The following BSCL2 variants were observed in gnomAD, a reference collection of about 807,000 sequenced individuals.
The protein encoded by BSCL2 is seipin.
BSCL2 carries 41 observed loss-of-function variants against 57.4 expected under a neutral mutation model. The observed-to-expected ratio is 0.71, with a 90% CI of 0.56 to 0.93. The LOEUF (loss-of-function observed/expected upper bound fraction) is 0.93, where lower values mean the gene tolerates loss of function less well. Ranked by LOEUF, BSCL2 falls within the 40% of genes least tolerant of loss-of-function variation. The probability of loss-of-function intolerance (pLI) is 0.00; values close to 1 mark genes in which losing one functional copy is unlikely to be tolerated. For synonymous variants in BSCL2, 237 were observed against 227.3 expected, an observed-to-expected ratio of 1.04 and a Z score of -0.38; for missense variants, 539 against 586.7, an observed-to-expected ratio of 0.92 and a Z score of 0.84.
intron 4 of BSCL2, among the ~76,000 whole-genome samples, chr11:62,693,619 C>G (rs1217880219): frequency 6.6e-6 from 1 of 152,132 alleles, no homozygotes; most frequent in African/African-American, 2.4e-5. Flanking sequence ...TTTTATAATA[C>G]TTTATACCCA....
At chr11:62,709,493 G>C (rs1198090027), upstream of BSCL2, 2 of 453,896 alleles carry the variant, frequency 4.4e-6, no homozygotes, top group Non-Finnish European at 8.8e-6. Flanking sequence ...GAGTGCAGTC[G>C]TACAGCAGAG....
chr11:62,702,164 T>G (rs1945662045), intron 3 of BSCL2, among the ~76,000 whole-genome samples: 1 of 151,960 alleles, frequency 6.6e-6, no homozygotes, highest in African/African-American at 2.4e-5. Flanking sequence ...CCTCCCGGAT[T>G]CAAGTGATTC....
At chr11:62,706,422 A>G (rs1471975311) in intron 1 of BSCL2, 6 of 556,478 alleles carry the variant, frequency 1.1e-5, no homozygotes, top group African/African-American at 2.0e-5. Context: ...AGCCTTCCCG[A>G]GCTGCGAGGT....
intron 2 of BSCL2, among the ~76,000 whole-genome samples, chr11:62,704,318 G>C (rs1945747349): frequency 7.3e-6 from 1 of 137,822 alleles, no homozygotes; most frequent in Non-Finnish European, 1.5e-5. Context: ...TGGATCACAA[G>C]GTCAGGAGAT....
In BSCL2 at chr11:62,692,762, C is replaced by G. The variant is rs755623017; in HGVS notation, c.666G>C (p.Met222Ile). The part of the protein sequence containing the change: ...MLHYRSDLLQ[M>I]LDTLVFSSLL... Reference sequence around the variant, plus strand: ...GGCTAGAGAAGACCAGTGTGTCCAGCATCTGGAGCAGGTCTGAGCGGTAAT... The same window carrying G: ...GGCTAGAGAAGACCAGTGTGTCCAGGATCTGGAGCAGGTCTGAGCGGTAAT... The change falls in exon 5 of 11, where the codon ATG becomes ATC. Residue 222 changes from methionine to isoleucine, a missense_variant. Physicochemically the swap from Met to Ile is conservative, Grantham distance 10. Coordinates refer to ENST00000360796, the MANE Select transcript of BSCL2 (RefSeq NM_001122955.4). 1.2e-5 allele frequency: 20 copies of G among 1,613,884 alleles called. No individual in the cohort carries two copies. The highest frequency in any genetic ancestry group is 1.5e-5 in the Non-Finnish European group (18 of 1,180,042).
chr11:62,706,783 G>A, intron 1 of BSCL2: 1 of 561,140 alleles, frequency 1.8e-6, no homozygotes, highest in South Asian at 1.6e-5. Context: ...TGTTGCGCAG[G>A]CAGATTAGTG....
chr11:62,707,469 G>A, upstream of BSCL2: 1 of 678,660 alleles, frequency 1.5e-6, no homozygotes, highest in Non-Finnish European at 2.7e-6. Flanking sequence ...TGCAGGGGCC[G>A]TCATAGGCCC....
chr11:62,697,727 G>A (rs1565148062), intron 3 of BSCL2, among the ~76,000 whole-genome samples: 2 of 150,444 alleles, frequency 1.3e-5, no homozygotes, highest in Non-Finnish European at 3.0e-5. Flanking sequence ...CCAGGAGGCA[G>A]AGGTTGCAGT....
chr11:62,707,431 G>C (rs1282918878), upstream of BSCL2: 8 of 698,462 alleles, frequency 1.1e-5, no homozygotes, highest in Non-Finnish European at 1.8e-5. Flanking sequence ...AAATGAGCAG[G>C]GTCCCCCGCA....
chr11:62,696,543 C>T (rs913814971), intron 3 of BSCL2, among the ~76,000 whole-genome samples: 10 of 151,088 alleles, frequency 6.6e-5, no homozygotes, highest in Non-Finnish European at 1.5e-4. Context: ...CCCTCAACCA[C>T]TCCCCCAGTC....
intron 3 of BSCL2, among the ~76,000 whole-genome samples, chr11:62,697,909 C>CTT (rs1193565203): frequency 5.7e-5 from 8 of 141,106 alleles, no homozygotes; most frequent in Non-Finnish European, 7.8e-5. Flanking sequence ...AATCCACATC[C>CTT]TTTTTTTTTT....
At position 62,699,710 on chromosome 11, in the gene BSCL2, G is replaced by C. The variant is rs1217678257; in HGVS notation, c.486+2758C>G. ...TTTTTTTTTTTTGAGACTGAGTCTC[G>C]CTCTGTCACTCAGGCTGGAGTGCAA... On this transcript the variant is annotated intron_variant, in intron 3 of 10. Coordinates refer to ENST00000360796, the MANE Select transcript of BSCL2 (RefSeq NM_001122955.4). 5.5e-5 allele frequency among the ~76,000 whole-genome samples: 7 copies of C among 126,722 alleles called. No individual in the cohort carries two copies. In the East Asian group the frequency reaches 1.5e-3, roughly 27 times the overall value. The allele number at this position is 126,722 out of a possible 152,430, so 83.1% of individuals were successfully genotyped here. A position where few individuals can be genotyped will look rare whatever the true frequency, so the allele number is the denominator to read the frequency against.
rs571952340 is a variant in BSCL2 at position 62,707,387 on chromosome 11, A to AG, written c.-193dup. The AG allele has an allele frequency of 2.8e-6, 2 of 711,206 alleles. No individual in the cohort carries two copies. The highest frequency in any genetic ancestry group is 2.0e-5 in the Admixed American group (1 of 50,016). 44.1% of individuals were successfully genotyped at this position (711,206 alleles called of 1,614,324 possible). A position where few individuals can be genotyped will look rare whatever the true frequency, so the allele number is the denominator to read the frequency against. On this transcript the variant is annotated 5_prime_UTR_variant, in exon 1 of 11. Coordinates refer to ENST00000360796, the MANE Select transcript of BSCL2 (RefSeq NM_001122955.4). The stretch of plus-strand genomic sequence containing the variant: ...GTCAGAGTAGAGGGAGGAAAGGAGG[A>AG]GGGGGGCGACTGCCCAGCTGATGTC...
In BSCL2 at chr11:62,705,435, C is replaced by A. The variant is rs756668260; in HGVS notation, c.270G>T (p.Arg90Ser). 6.2e-6 allele frequency: 10 copies of A among 1,614,106 alleles called. No homozygotes were observed. The highest frequency in any genetic ancestry group is 1.3e-5 in the African/African-American group (1 of 74,922). Residue 90 changes from arginine (R) to serine (S), a missense_variant, in exon 2 of 11, where the codon AGG (arginine) becomes AGT (serine). Physicochemically the swap from Arg to Ser is moderately radical, Grantham distance 110 (BLOSUM62 -1). This residue lies in a region of BSCL2 where 218 missense variants were observed against 224.8 expected (regional missense o/e 0.97). Coordinates refer to ENST00000360796, the MANE Select transcript of BSCL2 (RefSeq NM_001122955.4). ...VGQVLAGRAR[R>S]LLLQFGVLFC... ...AGAGCACCCCAAACTGCAGCAGCAGCCTGCGGGCACGGCCTGCCAAGACTT... is the reference window on the plus strand; with the variant it reads ...AGAGCACCCCAAACTGCAGCAGCAGACTGCGGGCACGGCCTGCCAAGACTT...
At chr11:62,699,856 T>C (rs1192148703) in intron 3 of BSCL2, among the ~76,000 whole-genome samples, 1 of 151,610 alleles carries the variant, frequency 6.6e-6, no homozygotes, top group Non-Finnish European at 1.5e-5. Context: ...TTTTTGTATT[T>C]TTAGTAGAGA....
chr11:62,709,373 C>T (rs1411617581), upstream of BSCL2: 1 of 453,670 alleles, frequency 2.2e-6, no homozygotes, highest in Admixed American at 2.4e-5. Context: ...GAATTAAGTA[C>T]AAAAGACGCT....
chr11:62,701,263 A>C (rs1945628954), intron 3 of BSCL2, among the ~76,000 whole-genome samples: 1 of 152,154 alleles, frequency 6.6e-6, no homozygotes, highest in African/African-American at 2.4e-5. Flanking sequence ...CACTTTACCT[A>C]GCAGATAAAT....
chr11:62,693,118 C>G (rs566557474), intron 4 of BSCL2, among the ~76,000 whole-genome samples: 2 of 152,258 alleles, frequency 1.3e-5, no homozygotes, highest in East Asian at 3.9e-4. Flanking sequence ...TAAGTCCCAG[C>G]GCACCATCTG....
intron 5 of BSCL2, 51 bp from the exon 6 acceptor site, chr11:62,692,524 C>G: frequency 6.2e-7 from 1 of 1,610,008 alleles, no homozygotes. Context: ...CTGCCGCTAG[C>G]ACTCTTACCC....
Sources: allele counts gnomAD v4.1 joint callset (sites outside exome capture counted in the v4.1 genomes callset), GRCh38; gene constraint gnomAD v4.1.1; regional missense constraint gnomAD v4.1.1; transcripts MANE v1.5; gene names NCBI Gene and HGNC (gene_info 2026-07-23, HGNC 2026-07-21).